NCKAP5: variants seen among roughly 807,000 people sequenced by gnomAD.
NCKAP5 encodes the protein NCK associated protein 5, also known as nck-associated protein 5.
A neutral mutation model predicts 167.0 loss-of-function variants in NCKAP5; 92 were observed. The ratio of observed to expected loss-of-function variants is 0.55; its 90% CI spans 0.47 to 0.66. The LOEUF is 0.66. Among genes scored for constraint, NCKAP5 ranks in the 30% least tolerant of loss-of-function variants. NCKAP5 has a pLI of 0.00. For missense variants in NCKAP5, 2,378 were observed against 2,315.0 expected, an observed-to-expected ratio of 1.03 and a Z score of -0.56; for synonymous variants, 891 against 877.4, an observed-to-expected ratio of 1.02 and a Z score of -0.27.
At chr2:132,738,360 C>T (rs1416137343) in intron 16 of NCKAP5, among the ~76,000 whole-genome samples, 2 of 152,158 alleles carry the variant, frequency 1.3e-5, no homozygotes. Flanking sequence ...CTGAAGGTCC[C>T]AGGTCTAGGA....
At chr2:133,006,621 ATTTTAT>A (rs1245161415) in intron 6 of NCKAP5, among the ~76,000 whole-genome samples, 5 of 81,244 alleles carry the variant, frequency 6.2e-5, no homozygotes, top group Admixed American at 1.1e-4. Context: ...ATTTTATTTT[ATTTTAT>A]TTTTTTTTTG....
In NCKAP5 at chr2:132,783,483, A is replaced by C. The variant is rs1683244162; in HGVS notation, c.3328T>G (p.Ser1110Ala). The C allele has an allele frequency of 1.3e-6, 2 of 1,598,830 alleles. No individual in the cohort carries two copies. Among genetic ancestry groups the C allele is most frequent in the Non-Finnish European group, 1.7e-6 (2 of 1,172,462 alleles). ...GAACTGCTGACCTGAGATGATGGTG[A>C]CTCATTTACCCCTAAGAAGGAAGGC... ...PKPSFLGVNE[S>A]PSSQVSSSSS... Residue 1110 changes from serine (S) to alanine (A), a missense_variant, in exon 14 of 20, where the codon TCA becomes GCA. By Grantham distance (99) the Ser-to-Ala change is moderately conservative. This residue lies in a region of NCKAP5 where 1,325 missense variants were observed against 1,274.5 expected (regional missense o/e 1.04). Transcript: ENST00000409261.
chr2:132,908,218 A>C (rs1006478287), intron 8 of NCKAP5, among the ~76,000 whole-genome samples: 2 of 152,086 alleles, frequency 1.3e-5, no homozygotes, highest in African/African-American at 4.8e-5. Flanking sequence ...ACACATCTAA[A>C]TTACATCATC....
the NCKAP5 span, among the ~76,000 whole-genome samples, chr2:133,645,182 A>G: frequency 6.6e-6 from 1 of 152,334 alleles, no homozygotes; most frequent in South Asian, 2.1e-4. Context: ...AGTAAAAGCA[A>G]AAGAAAATTA....
chr2:132,971,721 G>A (rs2149237806), intron 7 of NCKAP5, among the ~76,000 whole-genome samples: 1 of 152,298 alleles, frequency 6.6e-6, no homozygotes, highest in African/African-American at 2.4e-5. Flanking sequence ...TCCTCTAACA[G>A]TGACAAGCAA....
intron 15 of NCKAP5, 144 bp from the exon 16 acceptor site, chr2:132,774,038 A>G (rs1000713027): frequency 5.5e-6 from 3 of 541,258 alleles, no homozygotes; most frequent in Admixed American, 7.7e-5. Flanking sequence ...GTGAGTATGT[A>G]TGTATACATA....
At chr2:133,626,100 T>C in the NCKAP5 span, among the ~76,000 whole-genome samples, 1 of 152,136 alleles carries the variant, frequency 6.6e-6, no homozygotes, top group African/African-American at 2.4e-5. Context: ...GAAAGCCTCT[T>C]TGATAGAATT....
chr2:133,380,175 AT>A (rs1686420070), intron 3 of NCKAP5, among the ~76,000 whole-genome samples: 1 of 152,200 alleles, frequency 6.6e-6, no homozygotes, highest in Non-Finnish European at 1.5e-5. Context: ...TTATCCTAGT[AT>A]AAGAAAAAGT....
chr2:132,764,739 A>G (rs973348635), intron 16 of NCKAP5, among the ~76,000 whole-genome samples: 27 of 152,224 alleles, frequency 1.8e-4, no homozygotes, highest in African/African-American at 6.5e-4. Context: ...TTGATTATCA[A>G]TAGCTCTTCC....
chr2:133,467,596 T>G (rs936301155), intron 3 of NCKAP5, among the ~76,000 whole-genome samples: 14 of 150,504 alleles, frequency 9.3e-5, no homozygotes, highest in South Asian at 2.1e-4. Context: ...TACCAGTTCC[T>G]CCTTGTACCT....
chr2:133,087,368 C>T (rs2081027351), intron 6 of NCKAP5, among the ~76,000 whole-genome samples: 1 of 152,158 alleles, frequency 6.6e-6, no homozygotes, highest in African/African-American at 2.4e-5. Flanking sequence ...CTTTTTCAAT[C>T]AATCCTCAGG....
At chr2:133,188,160 G>A (rs1419000985) in intron 5 of NCKAP5, among the ~76,000 whole-genome samples, 1 of 151,840 alleles carries the variant, frequency 6.6e-6, no homozygotes, top group Non-Finnish European at 1.5e-5. Flanking sequence ...CTCTTGTAAG[G>A]CAGACCTGGT....
the NCKAP5 span, among the ~76,000 whole-genome samples, chr2:133,673,233 C>T: frequency 6.6e-6 from 1 of 152,172 alleles, no homozygotes; most frequent in African/African-American, 2.4e-5. Context: ...TGTGCCATCC[C>T]ACTTTTCTTT....
chr2:132,762,844 G>A (rs1681127005), intron 16 of NCKAP5, among the ~76,000 whole-genome samples: 1 of 152,168 alleles, frequency 6.6e-6, no homozygotes, highest in Admixed American at 6.5e-5. Flanking sequence ...TGCCTTTCCG[G>A]AGATCACCTG....
chr2:133,258,662 T>G (rs74876841), intron 4 of NCKAP5, among the ~76,000 whole-genome samples: 3 of 152,020 alleles, frequency 2.0e-5, no homozygotes, highest in African/African-American at 7.2e-5. Flanking sequence ...GGAGGAATAC[T>G]TGAGCCCAGG....
At chr2:133,380,552 T>C (rs972142325) in intron 3 of NCKAP5, among the ~76,000 whole-genome samples, 1 of 152,172 alleles carries the variant, frequency 6.6e-6, no homozygotes. Flanking sequence ...TATGGAGCAG[T>C]TGTATTTTTC....
chr2:133,352,433 C>T (rs1684426617), intron 3 of NCKAP5, among the ~76,000 whole-genome samples: 1 of 152,190 alleles, frequency 6.6e-6, no homozygotes, highest in Non-Finnish European at 1.5e-5. Context: ...CATCATTGCT[C>T]TCAGGGCAAG....
chr2:133,279,990 C>T (rs1342295904), intron 4 of NCKAP5, among the ~76,000 whole-genome samples: 1 of 152,200 alleles, frequency 6.6e-6, no homozygotes, highest in African/African-American at 2.4e-5. Context: ...TTTAATAATA[C>T]ATCTTCTAGA....
At chr2:133,451,535 C>A (rs1335637611) in intron 3 of NCKAP5, among the ~76,000 whole-genome samples, 2 of 152,220 alleles carry the variant, frequency 1.3e-5, no homozygotes, top group Admixed American at 6.5e-5. Context: ...CACGGCCATG[C>A]AACAATCACT....
Sources: gnomAD v4.1 joint callset for allele counts (sites outside exome capture counted in the v4.1 genomes callset) on GRCh38, gnomAD v4.1.1 for gene constraint, gnomAD v4.1.1 regional missense constraint, MANE v1.5 for transcripts, NCBI Gene and HGNC (gene_info 2026-07-23, HGNC 2026-07-21) for gene names.